ANK1: variants seen among roughly 807,000 people sequenced by gnomAD.
The protein encoded by ANK1 is ankyrin-1.
ANK1 carries 51 observed loss-of-function variants against 210.4 expected under a neutral mutation model. The observed-to-expected ratio is 0.24, with a 90% CI of 0.19 to 0.31. ANK1 has a LOEUF of 0.31. Among genes scored for constraint, ANK1 ranks in the 10% least tolerant of loss-of-function variants. The pLI, the probability that ANK1 is intolerant of heterozygous loss-of-function variation, is 1.00. For missense variants in ANK1, 2,051 were observed against 2,504.4 expected (o/e 0.82, Z 3.86); for synonymous variants, 967 against 1,025.9 (o/e 0.94, Z 1.10).
At position 41,847,592 on chromosome 8, in the gene ANK1, G is replaced by A. The variant is rs80349001; in HGVS notation, c.126+48763C>T. On this transcript the variant is annotated intron_variant, in intron 1 of 42. Transcript: ENST00000265709. ...CCTCATTCAATCCCCAAGACAGCTC[G>A]TGAAAGATTACTCATCTTCATTTTA... Among the ~76,000 whole-genome samples, 713 of 152,262 alleles carry A rather than the reference G, an allele frequency of 4.7e-3. 4 individuals are homozygous for A. The highest frequency in any genetic ancestry group is 0.027 in the East Asian group (138 of 5,184).
rs542952206 is a variant in ANK1 at position 41,844,568 on chromosome 8, C to A, written c.126+51787G>T. 9.9e-5 allele frequency among the ~76,000 whole-genome samples: 15 copies of A among 152,272 alleles called. No individual in the cohort carries two copies. The East Asian group carries it at 2.9e-3, about 29-fold the overall frequency. On this transcript the variant is annotated intron_variant, in intron 1 of 42. Coordinates refer to the ANK1 transcript ENST00000265709. ...GGGCGGGCAGCACAGGAGCTGCGGT[C>A]AAAGCCTCGGGGCCCCAGCCCTGCC...
At chr8:41,844,141 G>A (rs1354347442) in intron 1 of ANK1, among the ~76,000 whole-genome samples, 2 of 152,178 alleles carry the variant, frequency 1.3e-5, no homozygotes, top group South Asian at 4.1e-4. Flanking sequence ...CCAAAGTGTT[G>A]GGATTACAAG....
At chr8:41,734,883 C>A (rs573949115) in intron 2 of ANK1, among the ~76,000 whole-genome samples, 1 of 151,876 alleles carries the variant, frequency 6.6e-6, no homozygotes, top group Non-Finnish European at 1.5e-5. Context: ...AGGGCCAGAC[C>A]CTGTCTCAAA....
intron 18 of ANK1, among the ~76,000 whole-genome samples, chr8:41,705,082 G>T (rs183543248): frequency 2.6e-5 from 4 of 152,338 alleles, no homozygotes; most frequent in African/African-American, 9.6e-5. Flanking sequence ...AAATGCAAGG[G>T]CTTGGGACAT....
chr8:41,661,158 G>A (rs1585794767), intron 42 of ANK1: 1 of 469,552 alleles, frequency 2.1e-6, no homozygotes, highest in Non-Finnish European at 3.9e-6. Context: ...TTACAGACAT[G>A]AGCCACTGTG....
chr8:41,717,252 C>T (rs111722525), intron 12 of ANK1, among the ~76,000 whole-genome samples: 35 of 152,144 alleles, frequency 2.3e-4, no homozygotes, highest in Admixed American at 2.6e-4. Flanking sequence ...TGTGCACATA[C>T]GTGCAGGTGC....
At chr8:41,681,504 G>C (rs1391824113) in intron 37 of ANK1, among the ~76,000 whole-genome samples, 3 of 152,256 alleles carry the variant, frequency 2.0e-5, no homozygotes, top group Non-Finnish European at 4.4e-5. Flanking sequence ...ACAGCCTCAG[G>C]CTTCTAATTC....
chr8:41,887,605 T>G (rs1443179308), intron 1 of ANK1, among the ~76,000 whole-genome samples: 1 of 152,098 alleles, frequency 6.6e-6, no homozygotes, highest in East Asian at 1.9e-4. Context: ...AAAAAGAAAA[T>G]TCAATCACCC....
chr8:41,684,802 A>G, intron 36 of ANK1, 112 bp from the exon 37 acceptor site: 1 of 1,363,884 alleles, frequency 7.3e-7, no homozygotes, highest in Non-Finnish European at 1.0e-6. Context: ...TTTTTTTCAG[A>G]AGGTGGAGGC....
intron 9 of ANK1, 97 bp downstream of exon 9, chr8:41,723,028 T>C: frequency 9.2e-7 from 1 of 1,082,482 alleles, no homozygotes; most frequent in East Asian, 2.4e-5. Flanking sequence ...TCTAGTAGTA[T>C]TAGCATCTCT....
chr8:41,832,338 C>T (rs561895220), intron 1 of ANK1, among the ~76,000 whole-genome samples: 33 of 152,162 alleles, frequency 2.2e-4, no homozygotes, highest in Admixed American at 1.9e-3. Flanking sequence ...ACCAGCCTCA[C>T]GCACGGGCCA....
chr8:41,786,728 G>C (rs1563767650), intron 1 of ANK1, among the ~76,000 whole-genome samples: 1 of 152,128 alleles, frequency 6.6e-6, no homozygotes, highest in Non-Finnish European at 1.5e-5. Context: ...CAGGCATGAG[G>C]ACACTGAAAA....
chr8:41,749,179 G>T (rs1837013546), intron 2 of ANK1, among the ~76,000 whole-genome samples: 1 of 152,128 alleles, frequency 6.6e-6, no homozygotes, highest in South Asian at 2.1e-4. Flanking sequence ...TTGAAAACAG[G>T]GCACGAATTT....
intron 11 of ANK1, 109 bp downstream of exon 11, chr8:41,717,997 G>GAC: frequency 9.4e-7 from 1 of 1,068,750 alleles, no homozygotes; most frequent in Non-Finnish European, 1.4e-6. Flanking sequence ...CAGACTTGCA[G>GAC]ACACACACAC....
intron 31 of ANK1, among the ~76,000 whole-genome samples, chr8:41,691,062 A>T (rs1476111830): frequency 2.6e-5 from 4 of 152,024 alleles, no homozygotes; most frequent in African/African-American, 9.7e-5. Context: ...ATCTTTACAA[A>T]TTTTTTTAAA....
chr8:41,687,744 G>T (rs1426894762), intron 35 of ANK1, among the ~76,000 whole-genome samples: 1 of 152,214 alleles, frequency 6.6e-6, no homozygotes, highest in Non-Finnish European at 1.5e-5. Flanking sequence ...AGGGTCTGTG[G>T]TTGGGCACAG....
chr8:41,865,424 G>A (rs573569141), intron 1 of ANK1, among the ~76,000 whole-genome samples: 5 of 152,136 alleles, frequency 3.3e-5, no homozygotes, highest in South Asian at 4.2e-4. Flanking sequence ...CACAGCTGGG[G>A]CTCAGTAGAT....
rs181126272 is a variant in ANK1 at position 41,827,588 on chromosome 8, G to A, written c.126+68767C>T. On this transcript the variant is annotated intron_variant, in intron 1 of 42. Coordinates refer to the ANK1 transcript ENST00000265709. ...ATTTTATAACATTAAAGTAATAAAAGGTATTTTTTGACCTGGTTTTACAAA... is the reference window on the plus strand; with the variant it reads ...ATTTTATAACATTAAAGTAATAAAAAGTATTTTTTGACCTGGTTTTACAAA... Among the ~76,000 whole-genome samples, 622 of 152,152 alleles carry A rather than the reference G, an allele frequency of 4.1e-3. 4 individuals are homozygous for A. Among genetic ancestry groups the A allele is most frequent in the African/African-American group, 0.01 (424 of 41,498 alleles).
At chr8:41,660,877 G>T in intron 42 of ANK1, 1 of 287,350 alleles carries the variant, frequency 3.5e-6, no homozygotes, top group Non-Finnish European at 6.7e-6. Context: ...CCTCAGTCTT[G>T]GAGCTCTTAT....
Sources: allele counts gnomAD v4.1 joint callset (sites outside exome capture counted in the v4.1 genomes callset), GRCh38; gene constraint gnomAD v4.1.1; transcripts MANE v1.5; gene names NCBI Gene and HGNC (gene_info 2026-07-23, HGNC 2026-07-21).